The following TRPM3 variants were observed in gnomAD, a reference collection of about 807,000 sequenced individuals.
TRPM3 encodes the protein transient receptor potential cation channel subfamily M member 3, also known as long transient receptor potential channel 3.
TRPM3 carries 77 observed loss-of-function variants against 181.2 expected under a neutral mutation model. The ratio of observed to expected loss-of-function variants is 0.42; its 90% CI spans 0.35 to 0.51. The LOEUF is 0.51. Ranked by LOEUF, TRPM3 falls within the 20% of genes least tolerant of loss-of-function variation. The probability of loss-of-function intolerance (pLI) is 0.01; values close to 1 mark genes in which losing one functional copy is unlikely to be tolerated. For synonymous variants in TRPM3, 745 were observed against 796.4 expected (o/e 0.94, Z 1.09); for missense variants, 1,759 against 2,196.7 (o/e 0.80, Z 3.98).
At chr9:70,982,019 C>T (rs1290170442) in intron 1 of TRPM3, among the ~76,000 whole-genome samples, 1 of 152,198 alleles carries the variant, frequency 6.6e-6, no homozygotes, top group Admixed American at 6.5e-5. Flanking sequence ...CCTGACATTT[C>T]TCAAACCTTG....
At chr9:71,423,733 C>T (rs1191275124) in intron 1 of TRPM3, among the ~76,000 whole-genome samples, 6 of 152,084 alleles carry the variant, frequency 3.9e-5, no homozygotes, top group African/African-American at 1.4e-4. Flanking sequence ...GCTTTCTGCC[C>T]TCCTATTTGC....
chr9:70,536,154 C>A lies in TRPM3; in HGVS notation c.4959G>T (p.Glu1653Asp), dbSNP rs529248448. ...KIERANSYSA[E>D]EPSAPYAHTR... ...TGTGTGCATATGGCGCACTTGGCTC[C>A]TCTGCCGAGTAGCTGTTGGCGCGCT... is the stretch of plus-strand genomic sequence containing the variant. Residue 1653 changes from glutamate to aspartate, a missense_variant, in exon 26 of 26, where the codon GAG becomes GAT. Physicochemically the swap from Glu to Asp is conservative, Grantham distance 45. Transcript: ENST00000677713. 2 of 1,614,184 alleles carry A rather than the reference C, an allele frequency of 1.2e-6. No individual in the cohort carries two copies. The highest frequency in any genetic ancestry group is 2.7e-5 in the African/African-American group (2 of 75,040).
At chr9:70,757,671 C>A (rs2135218530) in intron 8 of TRPM3, among the ~76,000 whole-genome samples, 1 of 151,936 alleles carries the variant, frequency 6.6e-6, no homozygotes, top group East Asian at 1.9e-4. Flanking sequence ...TGGTCTGGTT[C>A]AACATATGCA....
At chr9:71,073,653 C>A (rs555660619) in intron 1 of TRPM3, among the ~76,000 whole-genome samples, 447 of 151,164 alleles carry the variant, frequency 3.0e-3, no homozygotes, top group Non-Finnish European at 4.4e-3. Flanking sequence ...AAAAAAAAAA[C>A]CCAATTTATT....
chr9:71,265,761 A>T (rs1348212242), intron 1 of TRPM3, among the ~76,000 whole-genome samples: 1 of 152,176 alleles, frequency 6.6e-6, no homozygotes, highest in Non-Finnish European at 1.5e-5. Context: ...GTATGTTTAC[A>T]TTTTCCTTTC....
At chr9:71,370,157 G>A (rs1418920323) in intron 1 of TRPM3, among the ~76,000 whole-genome samples, 1 of 151,786 alleles carries the variant, frequency 6.6e-6, no homozygotes, top group African/African-American at 2.4e-5. Flanking sequence ...CCTCTCCGTG[G>A]GCCTGTCTAT....
intron 11 of TRPM3, 131 bp from the exon 12 acceptor site, chr9:70,635,392 C>T (rs2056993859): frequency 1.5e-6 from 1 of 649,576 alleles, no homozygotes; most frequent in South Asian, 1.9e-5. Context: ...GTTCTAGTTG[C>T]TCAGTGTATC....
chr9:70,640,135 G>A (rs1265197772), intron 10 of TRPM3, among the ~76,000 whole-genome samples: 1 of 152,162 alleles, frequency 6.6e-6, no homozygotes, highest in East Asian at 1.9e-4. Context: ...GGACCAGATG[G>A]CGCCTGCAGA....
Position 70,913,862 on chromosome 9 carries a change from C to T in TRPM3, c.178-49351G>A, listed in dbSNP as rs572577362. 7.2e-5 allele frequency among the ~76,000 whole-genome samples: 11 copies of T among 152,246 alleles called. No homozygotes were observed. In the South Asian group the frequency reaches 1.2e-3, roughly 17 times the overall value. ...GCTAAGCATACAGGTTCTTCCTTTC[C>T]TCTGCATGATGGCCACAGACCTCGC... On this transcript the variant is annotated intron_variant, in intron 1 of 25. Transcript: ENST00000677713.
intron 1 of TRPM3, among the ~76,000 whole-genome samples, chr9:71,151,097 T>TGTGTGTGCGC (rs1424130538): frequency 6.6e-6 from 1 of 152,170 alleles, no homozygotes; most frequent in East Asian, 1.9e-4. Flanking sequence ...AATAGGAGTG[T>TGTGTGTGCGC]GTGTGTGCGC....
At chr9:71,080,461 G>A (rs1170051364) in intron 1 of TRPM3, among the ~76,000 whole-genome samples, 2 of 152,106 alleles carry the variant, frequency 1.3e-5, no homozygotes, top group Non-Finnish European at 2.9e-5. Flanking sequence ...CCTTGTTCTT[G>A]GGCTTTAAAA....
chr9:70,549,688 A>C lies in TRPM3; in HGVS notation c.3575-14T>G. 6 of 1,582,994 alleles carry C rather than the reference A, an allele frequency of 3.8e-6. No homozygotes were observed. Among genetic ancestry groups the C allele is most frequent in the Non-Finnish European group, 5.1e-6 (6 of 1,172,978 alleles). On this transcript the variant is annotated splice_polypyrimidine_tract_variant and intron_variant, in intron 24 of 25. Coordinates refer to ENST00000677713, the MANE Select transcript of TRPM3 (RefSeq NM_001366145.2). ...TTATGAAGAGTTCTGTGGAAAAAAA[A>C]AAAAAGGAAGTCTTGAGGGAGAGAA...
At chr9:70,960,649 C>T (rs1275816323) in intron 1 of TRPM3, among the ~76,000 whole-genome samples, 1 of 152,122 alleles carries the variant, frequency 6.6e-6, no homozygotes, top group Non-Finnish European at 1.5e-5. Context: ...AGCAAATATC[C>T]ACATAAAACA....
At chr9:70,665,181 G>C (rs910291454) in intron 9 of TRPM3, among the ~76,000 whole-genome samples, 17 of 145,142 alleles carry the variant, frequency 1.2e-4, no homozygotes. Flanking sequence ...GATGGCAGGA[G>C]GTGGTAATTC....
intron 1 of TRPM3, chr9:70,916,867 C>T: frequency 1.7e-6 from 1 of 603,298 alleles, no homozygotes; most frequent in Non-Finnish European, 2.8e-6. Context: ...AATCATAAAT[C>T]AAACTTGAAA....
rs539242369 is a variant in TRPM3 at position 71,366,182 on chromosome 9, C to A, written c.183+80471G>T. ...GTAACTTAAAAATTTGAGTTCATTTCTTTTCTATAGTTAAGGCCCAGGTTG... is the reference window on the plus strand; with the variant it reads ...GTAACTTAAAAATTTGAGTTCATTTATTTTCTATAGTTAAGGCCCAGGTTG... On this transcript the variant is annotated intron_variant, in intron 1 of 24. Coordinates refer to the TRPM3 transcript ENST00000357533. Among the ~76,000 whole-genome samples, 16 of 152,260 alleles carry A rather than the reference C, an allele frequency of 1.1e-4. No homozygotes were observed. The South Asian group carries it at 3.1e-3, about 30-fold the overall frequency.
chr9:71,417,665 A>T (rs982404419), intron 1 of TRPM3, among the ~76,000 whole-genome samples: 2 of 152,050 alleles, frequency 1.3e-5, no homozygotes, highest in African/African-American at 4.8e-5. Flanking sequence ...GTATGAAATA[A>T]GTGCCAAGAA....
intron 1 of TRPM3, among the ~76,000 whole-genome samples, chr9:71,352,582 C>T (rs1480548643): frequency 6.6e-6 from 1 of 152,210 alleles, no homozygotes; most frequent in African/African-American, 2.4e-5. Flanking sequence ...ACATGGTTCA[C>T]ATGCAAAAGA....
At chr9:70,553,428 GA>G in intron 22 of TRPM3, 118 bp from the exon 23 acceptor site, 1 of 1,313,222 alleles carries the variant, frequency 7.6e-7, no homozygotes. Context: ...ATCTCAAACA[GA>G]AAAAAGTTCC....
Sources: gnomAD v4.1 joint callset for allele counts (sites outside exome capture counted in the v4.1 genomes callset) on GRCh38, gnomAD v4.1.1 for gene constraint, MANE v1.5 for transcripts, NCBI Gene and HGNC (gene_info 2026-07-23, HGNC 2026-07-21) for gene names.